NRXN1: variants seen among roughly 807,000 people sequenced by gnomAD.
The protein encoded by NRXN1 is neurexin-1.
NRXN1 carries 39 observed loss-of-function variants against 150.9 expected under a neutral mutation model. The ratio of observed to expected loss-of-function variants is 0.26; its 90% CI spans 0.20 to 0.34. The LOEUF is 0.34. NRXN1 is among the 10% of genes least tolerant of loss of function. NRXN1 has a pLI of 1.00. For missense variants in NRXN1, 1,815 were observed against 1,949.9 expected (o/e 0.93, Z 1.30); for synonymous variants, 924 against 757.0 (o/e 1.22, Z -3.62).
intron 8 of NRXN1, among the ~76,000 whole-genome samples, chr2:50,590,580 A>G (rs1304102517): frequency 6.6e-6 from 1 of 152,086 alleles, no homozygotes; most frequent in African/African-American, 2.4e-5. Flanking sequence ...AGATATTGAA[A>G]TCCTAACTCC....
chr2:50,723,454 T>A (rs1696928244), intron 5 of NRXN1, among the ~76,000 whole-genome samples: 2 of 152,186 alleles, frequency 1.3e-5, no homozygotes, highest in African/African-American at 2.4e-5. Context: ...GATATGCTAC[T>A]GGGAAAAGAG....
chr2:50,896,571 G>A (rs1681992447), intron 5 of NRXN1, among the ~76,000 whole-genome samples: 1 of 152,224 alleles, frequency 6.6e-6, no homozygotes, highest in African/African-American at 2.4e-5. Context: ...AATTGGCCAG[G>A]CGCAGTGGCT....
chr2:50,568,557 TC>T (rs1670202133), intron 8 of NRXN1, among the ~76,000 whole-genome samples: 1 of 152,112 alleles, frequency 6.6e-6, no homozygotes, highest in Admixed American at 6.6e-5. Context: ...ACATCACTGA[TC>T]ATCAGAGCAA....
chr2:51,001,402 C>T (rs1024871286), intron 2 of NRXN1, among the ~76,000 whole-genome samples: 29 of 151,760 alleles, frequency 1.9e-4, no homozygotes, highest in Admixed American at 1.5e-3. Flanking sequence ...GATAAAAGTG[C>T]ATCTGCAAGT....
At chr2:50,175,220 A>C (rs544253985) in intron 18 of NRXN1, 1 of 152,284 alleles carries the variant, frequency 6.6e-6, no homozygotes, top group East Asian at 1.9e-4. Flanking sequence ...CCCCTCCTGA[A>C]ATAAGACAAC....
rs1382041280 is a variant in NRXN1 at position 50,346,002 on chromosome 2, T to C, written c.3365-109032A>G. Among the ~76,000 whole-genome samples, 1 of 152,226 alleles carries C rather than the reference T, an allele frequency of 6.6e-6. No individual in the cohort carries two copies. Among genetic ancestry groups the C allele is most frequent in the Non-Finnish European group, 1.5e-5 (1 of 68,034 alleles). ...TTACCAAGAAAAAGACATATATTTATGTGCAGAGTGGATGGAAGGGGAATG... is the reference window on the plus strand; with the variant it reads ...TTACCAAGAAAAAGACATATATTTACGTGCAGAGTGGATGGAAGGGGAATG... On this transcript the variant is annotated intron_variant, in intron 17 of 22. Coordinates refer to ENST00000401669, the MANE Select transcript of NRXN1 (RefSeq NM_001330078.2). This position sits in a 1 kb window ranked among gnomAD's most constrained non-coding sequence, Gnocchi z 5.0.
chr2:50,868,727 G>C (rs778043969), intron 5 of NRXN1, among the ~76,000 whole-genome samples: 5 of 151,726 alleles, frequency 3.3e-5, no homozygotes, highest in Non-Finnish European at 7.4e-5. Flanking sequence ...ATTTCAGAGA[G>C]ACTCATTGAC....
At chr2:50,718,358 C>A (rs1696146329) in intron 5 of NRXN1, among the ~76,000 whole-genome samples, 1 of 152,078 alleles carries the variant, frequency 6.6e-6, no homozygotes, top group South Asian at 2.1e-4. Context: ...ACACAAATAA[C>A]ATGAAGGCTG....
chr2:50,098,845 T>TGG (rs1558874645), intron 18 of NRXN1, among the ~76,000 whole-genome samples: 7 of 8,304 alleles, frequency 8.4e-4, no homozygotes, highest in African/African-American at 2.9e-3. Context: ...TTTTTTTTTT[T>TGG]TTTTTTTTTT....
chr2:50,157,361 A>G (rs1321247434), intron 18 of NRXN1, among the ~76,000 whole-genome samples: 1 of 152,084 alleles, frequency 6.6e-6, no homozygotes, highest in East Asian at 1.9e-4. Flanking sequence ...GTAAAGACAG[A>G]ATATAAAAAA....
intron 8 of NRXN1, chr2:50,616,056 G>A (rs913390435): frequency 2.6e-5 from 4 of 151,528 alleles, no homozygotes; most frequent in Non-Finnish European, 5.9e-5. Flanking sequence ...GCATATAATG[G>A]CAATTTATTA....
chr2:50,274,572 G>C (rs1043919587), intron 17 of NRXN1, among the ~76,000 whole-genome samples: 2 of 152,066 alleles, frequency 1.3e-5, no homozygotes, highest in Admixed American at 1.3e-4. Flanking sequence ...TTTAAAAAAA[G>C]AGACTATTGC....
intron 19 of NRXN1, among the ~76,000 whole-genome samples, chr2:50,062,181 T>C (rs543973643): frequency 6.0e-4 from 91 of 152,290 alleles, no homozygotes; most frequent in Non-Finnish European, 1.0e-3. Context: ...TGAATGTTTG[T>C]ATCTCCCAAA....
chr2:50,552,614 CAT>C lies in NRXN1; in HGVS notation c.1730_1731del (p.His577ArgfsTer26). ...GACCGTCCGTCTCTCTGGAAGTCCACATGATACCATTCTCCATCATTCACTTT... is the reference window on the plus strand; with the variant it reads ...GACCGTCCGTCTCTCTGGAAGTCCACGATACCATTCTCCATCATTCACTTT... ...LKKVNDGEWY[H>X]VDFQRDGRSG... On this transcript the variant is annotated frameshift_variant, in exon 9 of 23. Transcript: ENST00000401669. LOFTEE classifies it high-confidence loss of function. The C allele has an allele frequency of 6.2e-7, 1 of 1,613,652 alleles. No individual in the cohort carries two copies. The highest frequency in any genetic ancestry group is 8.5e-7 in the Non-Finnish European group (1 of 1,179,584).
chr2:50,885,088 G>C (rs1487796066), intron 5 of NRXN1, among the ~76,000 whole-genome samples: 1 of 151,536 alleles, frequency 6.6e-6, no homozygotes, highest in Non-Finnish European at 1.5e-5. Flanking sequence ...ACTAAGCAAA[G>C]TGAAATTGCC....
At chr2:50,406,140 C>T (rs1189714358) in intron 17 of NRXN1, among the ~76,000 whole-genome samples, 1 of 151,956 alleles carries the variant, frequency 6.6e-6, no homozygotes, top group Non-Finnish European at 1.5e-5. Flanking sequence ...TCATGCTTTT[C>T]CAATGTTTTC....
chr2:50,685,356 T>C (rs1450818944), intron 5 of NRXN1, among the ~76,000 whole-genome samples: 1 of 152,296 alleles, frequency 6.6e-6, no homozygotes, highest in Admixed American at 6.5e-5. Flanking sequence ...TAGTTTTGCA[T>C]GTCACTAGTT....
intron 5 of NRXN1, chr2:50,917,702 G>A (rs1000527904): frequency 7.3e-5 from 11 of 151,562 alleles, no homozygotes; most frequent in African/African-American, 2.7e-4. Context: ...TATGAACCAG[G>A]AAGCAAAATC....
intron 17 of NRXN1, among the ~76,000 whole-genome samples, chr2:50,397,510 T>A (rs1027688467): frequency 6.6e-6 from 1 of 152,110 alleles, no homozygotes; most frequent in Non-Finnish European, 1.5e-5. Context: ...AGATGAACGG[T>A]GGGTACTATT....
Sources: gnomAD v4.1 joint callset for allele counts (sites outside exome capture counted in the v4.1 genomes callset) on GRCh38, gnomAD v4.1.1 for gene constraint, Gnocchi (gnomAD v3.1) non-coding constraint, MANE v1.5 for transcripts, NCBI Gene and HGNC (gene_info 2026-07-23, HGNC 2026-07-21) for gene names.